The following SPTBN1 variants were observed in gnomAD, a reference collection of about 807,000 sequenced individuals.
SPTBN1 encodes spectrin beta, non-erythrocytic 1, also known as spectrin beta chain, non-erythrocytic 1.
SPTBN1 carries 32 observed loss-of-function variants against 266.4 expected under a neutral mutation model. That is an observed-to-expected ratio of 0.12 (90% CI 0.09 to 0.16). SPTBN1 has a LOEUF of 0.16. Among genes scored for constraint, SPTBN1 ranks in the 10% least tolerant of loss-of-function variants. SPTBN1 has a pLI of 1.00. For synonymous variants in SPTBN1, 1,336 were observed against 1,162.2 expected (o/e 1.15, Z -3.04); for missense variants, 2,296 against 3,067.1 (o/e 0.75, Z 5.94).
intron 1 of SPTBN1, among the ~76,000 whole-genome samples, chr2:54,493,001 CTTTTT>C (rs70944171): frequency 1.8e-5 from 2 of 112,896 alleles, no homozygotes; most frequent in Admixed American, 9.4e-5. Flanking sequence ...AATAACATAT[CTTTTT>C]TTTTTTTTTT....
rs1245643335 is a variant in SPTBN1 at position 54,671,055 on chromosome 2, C to G, written c.*2486C>G. ...TATTTTACCCTGATTTTCAGTGATA[C>G]AATATGGGTGACAATACTGGCCCCT... On this transcript the variant is annotated 3_prime_UTR_variant, in exon 36 of 36. Transcript: ENST00000356805. The G allele has an allele frequency of 2.7e-6, 1 of 364,838 alleles. No homozygotes were observed. Among genetic ancestry groups the G allele is most frequent in the African/African-American group, 2.1e-5 (1 of 47,744 alleles). 22.6% of individuals were successfully genotyped at this position (364,838 alleles called of 1,614,324 possible). A position where few individuals can be genotyped will look rare whatever the true frequency, so the allele number is the denominator to read the frequency against.
At chr2:54,520,873 G>A (rs1384592867) in intron 1 of SPTBN1, among the ~76,000 whole-genome samples, 1 of 152,142 alleles carries the variant, frequency 6.6e-6, no homozygotes, top group Admixed American at 6.5e-5. Flanking sequence ...AGAGGGATGA[G>A]GGCCTTTCTC....
chr2:54,509,769 A>G (rs768241938), intron 1 of SPTBN1, among the ~76,000 whole-genome samples: 4 of 152,092 alleles, frequency 2.6e-5, no homozygotes, highest in African/African-American at 9.7e-5. Context: ...AACAACAGAA[A>G]TTTATTTTCT....
At chr2:54,660,655 C>CA in intron 32 of SPTBN1, 1 of 985,470 alleles carries the variant, frequency 1.0e-6, no homozygotes, top group Non-Finnish European at 1.2e-6. Context: ...TTTAGGCACA[C>CA]AATCTCATAC....
intron 1 of SPTBN1, among the ~76,000 whole-genome samples, chr2:54,463,996 A>G (rs553611997): frequency 1.3e-5 from 2 of 152,346 alleles, no homozygotes; most frequent in African/African-American, 4.8e-5. Flanking sequence ...TGTATGAAAT[A>G]CAGACTAAAT....
At chr2:54,557,737 A>G (rs1206570448) in intron 2 of SPTBN1, 3 of 985,224 alleles carry the variant, frequency 3.0e-6, no homozygotes, top group Non-Finnish European at 3.6e-6. Flanking sequence ...TCGAATTCCT[A>G]TCATAGGCCC....
rs750421837 is a variant in SPTBN1, at chr2:54,649,851, T to C, written c.5439T>C (p.Asp1813=). Reference sequence around the variant, plus strand: ...ATGAACTGCACAAGTTTTACCACGATGCCAAGGAGATCTTTGGGCGTATAC... The same window carrying C: ...ATGAACTGCACAAGTTTTACCACGACGCCAAGGAGATCTTTGGGCGTATAC... ...ASYELHKFYH[D]AKEIFGRIQD... Residue 1813 remains aspartate, a synonymous_variant, in exon 26 of 36, where the codon GAT becomes GAC. Transcript: ENST00000356805. This position sits in a 1 kb window ranked among gnomAD's most constrained non-coding sequence, Gnocchi z 6.7. 13 of 1,614,218 alleles carry C rather than the reference T, an allele frequency of 8.1e-6. No individual in the cohort carries two copies. The highest frequency in any genetic ancestry group is 1.1e-5 in the Non-Finnish European group (13 of 1,180,038).
intron 1 of SPTBN1, among the ~76,000 whole-genome samples, chr2:54,506,139 A>G (rs914589769): frequency 1.4e-4 from 21 of 150,626 alleles, no homozygotes; most frequent in Non-Finnish European, 2.1e-4. Context: ...AAATAAATAA[A>G]TAAATAAATA....
chr2:54,624,996 C>G (rs1321089372), intron 11 of SPTBN1, 34 bp downstream of exon 11: 2 of 1,536,758 alleles, frequency 1.3e-6, no homozygotes, highest in Admixed American at 4.2e-5. Flanking sequence ...AAGACTGTTG[C>G]TAGGGTAATC....
intron 18 of SPTBN1, among the ~76,000 whole-genome samples, chr2:54,638,457 C>CT (rs1408720559): frequency 1.9e-4 from 29 of 152,246 alleles, no homozygotes; most frequent in Non-Finnish European, 2.9e-5. Context: ...CCATGTGTAT[C>CT]TAACATGCAA....
intron 1 of SPTBN1, among the ~76,000 whole-genome samples, chr2:54,467,564 T>G (rs1166036033): frequency 6.6e-6 from 1 of 152,148 alleles, no homozygotes; most frequent in African/African-American, 2.4e-5. Flanking sequence ...TTTTGTATTT[T>G]TAGTAGAGAC....
intron 18 of SPTBN1, among the ~76,000 whole-genome samples, chr2:54,642,764 A>G (rs534629021): frequency 1.5e-4 from 23 of 152,196 alleles, no homozygotes; most frequent in Non-Finnish European, 2.8e-4. Context: ...TACTTCTGGA[A>G]TGAATGTTAG....
At chr2:54,546,173 C>T (rs1225810155) in intron 2 of SPTBN1, among the ~76,000 whole-genome samples, 1 of 152,138 alleles carries the variant, frequency 6.6e-6, no homozygotes, top group African/African-American at 2.4e-5. Context: ...AATAGGCCAA[C>T]TACAAGGACA....
rs970365113 is a variant in SPTBN1 at position 54,670,123 on chromosome 2, A to G, written c.*1554A>G. The G allele has an allele frequency of 7.9e-5, 12 of 152,160 alleles. No individual in the cohort carries two copies. Among genetic ancestry groups the G allele is most frequent in the African/African-American group, 2.2e-4 (9 of 41,424 alleles). The allele number at this position is 152,160 out of a possible 1,614,324, so 9.4% of individuals were successfully genotyped here. ...TTAAGGACATAAATTTGAATTTCATATAACTTTGACATGCCATACAATATT... is the reference window on the plus strand; with the variant it reads ...TTAAGGACATAAATTTGAATTTCATGTAACTTTGACATGCCATACAATATT... On this transcript the variant is annotated 3_prime_UTR_variant, in exon 36 of 36. Coordinates refer to ENST00000356805, the MANE Select transcript of SPTBN1 (RefSeq NM_003128.3).
At chr2:54,636,556 C>T (rs1679156335) in intron 17 of SPTBN1, among the ~76,000 whole-genome samples, 1 of 152,174 alleles carries the variant, frequency 6.6e-6, no homozygotes, top group Admixed American at 6.5e-5. Flanking sequence ...ATCTTTCTTT[C>T]TCCTGGGGAA....
At chr2:54,516,832 A>G (rs1055941650) in intron 1 of SPTBN1, among the ~76,000 whole-genome samples, 2 of 152,216 alleles carry the variant, frequency 1.3e-5, no homozygotes, top group African/African-American at 4.8e-5. Context: ...GCTTGCTTTT[A>G]TACATTTTAG....
At chr2:54,624,191 GTCTTGAAC>G (rs1366437495) in intron 10 of SPTBN1, among the ~76,000 whole-genome samples, 3 of 152,138 alleles carry the variant, frequency 2.0e-5, no homozygotes. Context: ...GCCCAGGCTA[GTCTTGAAC>G]TCCTGGCCTC....
At chr2:54,598,369 T>G (rs1263968091) in intron 2 of SPTBN1, among the ~76,000 whole-genome samples, 1 of 152,196 alleles carries the variant, frequency 6.6e-6, no homozygotes, top group African/African-American at 2.4e-5. Context: ...AGTCACATTT[T>G]TGTTGAAACC....
At chr2:54,576,556 A>G (rs185118688) in intron 2 of SPTBN1, among the ~76,000 whole-genome samples, 105 of 152,260 alleles carry the variant, frequency 6.9e-4, no homozygotes, top group African/African-American at 2.4e-3. Context: ...CGTTGCTTAT[A>G]CGCTCTAGTT....
Sources: gnomAD v4.1 joint callset for allele counts (sites outside exome capture counted in the v4.1 genomes callset) on GRCh38, gnomAD v4.1.1 for gene constraint, Gnocchi (gnomAD v3.1) non-coding constraint, MANE v1.5 for transcripts, NCBI Gene and HGNC (gene_info 2026-07-23, HGNC 2026-07-21) for gene names.